DNER: variants seen among roughly 807,000 people sequenced by gnomAD.
DNER encodes delta and Notch-like epidermal growth factor-related receptor.
DNER carries 33 observed loss-of-function variants against 78.2 expected under a neutral mutation model. That is an observed-to-expected ratio of 0.42 (90% CI 0.32 to 0.56). The LOEUF is 0.56. DNER is among the 20% of genes least tolerant of loss of function. The pLI, the probability that DNER is intolerant of heterozygous loss-of-function variation, is 0.11. For synonymous variants in DNER, 417 were observed against 384.8 expected, an observed-to-expected ratio of 1.08 and a Z score of -0.98; for missense variants, 918 against 975.3, an observed-to-expected ratio of 0.94 and a Z score of 0.78.
intron 8 of DNER, among the ~76,000 whole-genome samples, chr2:229,428,000 G>A (rs1287353193): frequency 6.6e-6 from 1 of 151,314 alleles, no homozygotes; most frequent in African/African-American, 2.4e-5. Flanking sequence ...GCTTGAACCC[G>A]GGAGGCAGAG....
At chr2:229,436,091 G>A (rs902631872) in intron 8 of DNER, among the ~76,000 whole-genome samples, 3 of 151,864 alleles carry the variant, frequency 2.0e-5, no homozygotes, top group Admixed American at 6.6e-5. Context: ...GTAGTTTTTC[G>A]ACCCTCATCC....
chr2:229,381,589 G>C (rs1041538556), intron 11 of DNER, among the ~76,000 whole-genome samples: 1 of 152,054 alleles, frequency 6.6e-6, no homozygotes, highest in Non-Finnish European at 1.5e-5. Context: ...AAGCTTGGTG[G>C]GGGGAGGGGC....
chr2:229,550,239 C>T (rs1238542087), intron 4 of DNER, among the ~76,000 whole-genome samples: 7 of 151,982 alleles, frequency 4.6e-5, no homozygotes, highest in South Asian at 2.1e-4. Context: ...GTGATCCTCC[C>T]GCCTCGGCCT....
intron 5 of DNER, among the ~76,000 whole-genome samples, chr2:229,525,134 T>C (rs1021738246): frequency 3.9e-5 from 6 of 152,222 alleles, no homozygotes. Context: ...CTAAAAAATA[T>C]GCGTGTGTCT....
chr2:229,692,957 T>C (rs1699605448), intron 1 of DNER, among the ~76,000 whole-genome samples: 1 of 152,088 alleles, frequency 6.6e-6, no homozygotes, highest in African/African-American at 2.4e-5. Context: ...AGGATTCCAA[T>C]CTCAATGCAC....
intron 8 of DNER, among the ~76,000 whole-genome samples, chr2:229,422,241 C>G (rs551678194): frequency 5.6e-4 from 85 of 152,324 alleles, no homozygotes; most frequent in African/African-American, 2.0e-3. Flanking sequence ...ATGAGGCTAT[C>G]ACCCCCTGCT....
intron 11 of DNER, among the ~76,000 whole-genome samples, chr2:229,375,434 C>A (rs1216614606): frequency 6.6e-6 from 1 of 152,148 alleles, no homozygotes; most frequent in African/African-American, 2.4e-5. Flanking sequence ...TCCACAACAG[C>A]ATTCTTTCCA....
At chr2:229,411,458 G>T (rs181831573) in intron 9 of DNER, among the ~76,000 whole-genome samples, 1 of 152,092 alleles carries the variant, frequency 6.6e-6, no homozygotes, top group Non-Finnish European at 1.5e-5. Flanking sequence ...TCAGGAGGCC[G>T]AGACAGGAGG....
chr2:229,418,790 G>A (rs999021725), intron 8 of DNER, among the ~76,000 whole-genome samples: 15 of 151,950 alleles, frequency 9.9e-5, no homozygotes, highest in Admixed American at 2.0e-4. Context: ...GCGTGGTGGC[G>A]GGCGCCTGTA....
At chr2:229,663,144 T>C (rs1699036153) in intron 1 of DNER, among the ~76,000 whole-genome samples, 1 of 152,196 alleles carries the variant, frequency 6.6e-6, no homozygotes, top group Non-Finnish European at 1.5e-5. Flanking sequence ...AGCTTTGATC[T>C]AGGAAAAATG....
intron 11 of DNER, among the ~76,000 whole-genome samples, chr2:229,380,971 G>A (rs1692722372): frequency 6.6e-6 from 1 of 151,926 alleles, no homozygotes; most frequent in South Asian, 2.1e-4. Context: ...AAAACTGGAG[G>A]GGAGGCTGGC....
chr2:229,393,846 CAAAACAAA>C (rs907686861), intron 10 of DNER, among the ~76,000 whole-genome samples: 19 of 151,520 alleles, frequency 1.3e-4, no homozygotes, highest in Admixed American at 4.6e-4. Flanking sequence ...GACTCCGTCT[CAAAACAAA>C]AACAAAAACA....
chr2:229,597,081 GTGCACACA>G (rs1206232951), intron 1 of DNER, among the ~76,000 whole-genome samples: 2 of 120,070 alleles, frequency 1.7e-5, no homozygotes, highest in Admixed American at 8.8e-5. Context: ...ACAAACATGT[GTGCACACA>G]TGCACACACA....
intron 6 of DNER, among the ~76,000 whole-genome samples, chr2:229,489,437 C>T (rs78793984): frequency 6.6e-6 from 1 of 150,402 alleles, no homozygotes. Context: ...AGCCAGACTG[C>T]AATCAAGTGT....
intron 1 of DNER, among the ~76,000 whole-genome samples, chr2:229,641,860 T>A (rs188772236): frequency 1.3e-5 from 2 of 152,200 alleles, no homozygotes; most frequent in Admixed American, 1.3e-4. Flanking sequence ...ACTTCTCAGC[T>A]CCCTCTGGTG....
At chr2:229,639,810 C>T (rs1309969960) in intron 1 of DNER, among the ~76,000 whole-genome samples, 1 of 152,164 alleles carries the variant, frequency 6.6e-6, no homozygotes, top group Non-Finnish European at 1.5e-5. Context: ...GGCCAGGATG[C>T]AGCGAAGAAC....
chr2:229,674,386 C>T (rs974368377), intron 1 of DNER, among the ~76,000 whole-genome samples: 2 of 152,176 alleles, frequency 1.3e-5, no homozygotes, highest in East Asian at 1.9e-4. Context: ...TTAAGCGATT[C>T]TCCTGCATCA....
intron 1 of DNER, among the ~76,000 whole-genome samples, chr2:229,713,322 A>G (rs1699937598): frequency 6.6e-6 from 1 of 152,186 alleles, no homozygotes; most frequent in South Asian, 2.1e-4. Context: ...TTTTCTGCCA[A>G]ATTCTCCTGA....
intron 8 of DNER, among the ~76,000 whole-genome samples, chr2:229,432,932 G>A (rs1316091299): frequency 6.6e-6 from 1 of 151,794 alleles, no homozygotes; most frequent in South Asian, 2.1e-4. Context: ...TTTGTGTTTT[G>A]TTGTTGTTGT....
Sources: allele counts gnomAD v4.1 joint callset (sites outside exome capture counted in the v4.1 genomes callset), GRCh38; gene constraint gnomAD v4.1.1; transcripts MANE v1.5; gene names NCBI Gene and HGNC (gene_info 2026-07-23, HGNC 2026-07-21).